NLGN1: variants seen among roughly 807,000 people sequenced by gnomAD.
The protein encoded by NLGN1 is neuroligin 1.
Under a neutral mutation model 65.5 loss-of-function variants are expected in NLGN1, and 12 were observed. The observed-to-expected ratio is 0.18, with a 90% CI of 0.12 to 0.30. NLGN1 has a LOEUF of 0.30. Ranked by LOEUF, NLGN1 falls within the 10% of genes least tolerant of loss-of-function variation. The probability of loss-of-function intolerance (pLI) is 1.00; values close to 1 mark genes in which losing one functional copy is unlikely to be tolerated. For synonymous variants in NLGN1, 350 were observed against 359.5 expected (o/e 0.97, Z 0.30); for missense variants, 750 against 1,007.1 (o/e 0.74, Z 3.46).
At chr3:174,158,095 T>TA (rs1406142297) in intron 4 of NLGN1, among the ~76,000 whole-genome samples, 5 of 151,744 alleles carry the variant, frequency 3.3e-5, no homozygotes, top group African/African-American at 7.2e-5. Context: ...CTAAATGACT[T>TA]TAAGATCGGA....
In NLGN1 at chr3:173,602,626, C is replaced by T. The variant is rs185409873; in HGVS notation, c.-320-1653C>T. Among the ~76,000 whole-genome samples, 97 of 151,932 alleles carry T rather than the reference C, an allele frequency of 6.4e-4. 1 individual carries two copies. The highest frequency in any genetic ancestry group is 1.0e-3 in the African/African-American group (43 of 41,464). ...AAACAAGTATTTGATATCAGTTGTG[C>T]GAAGAAAAACTTTTGGAAATTGCTG... On this transcript the variant is annotated intron_variant, in intron 2 of 6. Coordinates refer to ENST00000457714, the Ensembl canonical transcript of NLGN1.
intron 4 of NLGN1, among the ~76,000 whole-genome samples, chr3:174,108,150 CTATTG>C (rs1267403319): frequency 1.3e-5 from 2 of 151,882 alleles, no homozygotes; most frequent in East Asian, 1.9e-4. Flanking sequence ...TTGATAAATT[CTATTG>C]TATTGATTTT....
chr3:173,568,158 CTTCT>C (rs1312579532), intron 2 of NLGN1, among the ~76,000 whole-genome samples: 10 of 150,750 alleles, frequency 6.6e-5, no homozygotes, highest in South Asian at 4.2e-4. Flanking sequence ...CCTTCCTTTC[CTTCT>C]TTCTTTCTTT....
At chr3:173,709,976 A>C (rs989386541) in intron 3 of NLGN1, among the ~76,000 whole-genome samples, 10 of 152,110 alleles carry the variant, frequency 6.6e-5, no homozygotes, top group African/African-American at 2.4e-4. Flanking sequence ...TAAAGGTATA[A>C]ATACTAATGC....
intron 2 of NLGN1, among the ~76,000 whole-genome samples, chr3:173,449,385 C>T (rs1195953120): frequency 6.6e-6 from 1 of 152,074 alleles, no homozygotes; most frequent in Non-Finnish European, 1.5e-5. Context: ...GAGTGAGTTT[C>T]TTAATCCTGA....
chr3:173,612,041 A>C (rs1335517435), intron 3 of NLGN1, among the ~76,000 whole-genome samples: 2 of 152,000 alleles, frequency 1.3e-5, no homozygotes, highest in East Asian at 3.9e-4. Flanking sequence ...TCACCATTAC[A>C]CATTTTGTAG....
At position 173,990,630 on chromosome 3, in the gene NLGN1, C is replaced by T. The variant is rs137866084; in HGVS notation, c.646+182798C>T. 7.1e-4 allele frequency among the ~76,000 whole-genome samples: 108 copies of T among 152,122 alleles called. 1 individual carries two copies. The highest frequency in any genetic ancestry group is 2.5e-3 in the African/African-American group (102 of 41,522). On this transcript the variant is annotated intron_variant, in intron 4 of 6. Coordinates refer to ENST00000457714, the Ensembl canonical transcript of NLGN1. ...TTGTTTATTGGCAACTTGATTATTC[C>T]ATAATTATAATGGCAGTTCTAGCAG...
At chr3:173,872,584 G>T (rs184172581) in intron 4 of NLGN1, among the ~76,000 whole-genome samples, 1 of 152,104 alleles carries the variant, frequency 6.6e-6, no homozygotes, top group African/African-American at 2.4e-5. Context: ...TGCCCCTGAA[G>T]CATCTTAGTT....
intron 4 of NLGN1, among the ~76,000 whole-genome samples, chr3:173,996,907 A>G (rs1579654117): frequency 6.6e-6 from 1 of 152,296 alleles, no homozygotes; most frequent in Admixed American, 6.5e-5. Flanking sequence ...TATGTGGAGG[A>G]CACCAGGAAT....
chr3:173,569,718 C>G (rs2149326623), intron 2 of NLGN1, among the ~76,000 whole-genome samples: 1 of 151,928 alleles, frequency 6.6e-6, no homozygotes, highest in Non-Finnish European at 1.5e-5. Flanking sequence ...TCTAGCAAGA[C>G]ATCTCTGTCA....
chr3:173,608,470 T>G (rs1751738252), intron 3 of NLGN1, among the ~76,000 whole-genome samples: 1 of 152,058 alleles, frequency 6.6e-6, no homozygotes, highest in Non-Finnish European at 1.5e-5. Flanking sequence ...TTAGGTGTTT[T>G]GCGTAATTTA....
chr3:174,209,447 T>G (rs2152788002), intron 4 of NLGN1, among the ~76,000 whole-genome samples: 1 of 152,192 alleles, frequency 6.6e-6, no homozygotes, highest in African/African-American at 2.4e-5. Context: ...TTCCAGTGGG[T>G]ATCTCCATCA....
intron 3 of NLGN1, among the ~76,000 whole-genome samples, chr3:173,726,581 G>A (rs947247331): frequency 1.3e-5 from 2 of 152,092 alleles, no homozygotes; most frequent in African/African-American, 4.8e-5. Flanking sequence ...GAAGGACAAA[G>A]CAATGTTATA....
chr3:173,872,100 C>T (rs149878474), intron 4 of NLGN1, among the ~76,000 whole-genome samples: 77 of 152,114 alleles, frequency 5.1e-4, no homozygotes, highest in African/African-American at 1.8e-3. Flanking sequence ...GGAAAGCACG[C>T]GCCTCATGGG....
At chr3:173,762,331 A>G (rs1057075594) in intron 3 of NLGN1, among the ~76,000 whole-genome samples, 1 of 152,090 alleles carries the variant, frequency 6.6e-6, no homozygotes, top group Non-Finnish European at 1.5e-5. Flanking sequence ...GCAGTTTACT[A>G]TAACACTAGG....
At chr3:173,817,242 T>C (rs1387825286) in intron 4 of NLGN1, among the ~76,000 whole-genome samples, 1 of 152,206 alleles carries the variant, frequency 6.6e-6, no homozygotes, top group Admixed American at 6.5e-5. Context: ...GTTAAAAACA[T>C]AGGCAGCAGG....
At chr3:174,008,361 C>T (rs1724874055) in intron 4 of NLGN1, among the ~76,000 whole-genome samples, 1 of 133,314 alleles carries the variant, frequency 7.5e-6, no homozygotes, top group African/African-American at 2.7e-5. Context: ...CCCCCCACCC[C>T]CCGCCCACGG....
chr3:173,691,697 G>GT (rs983784198), intron 3 of NLGN1, among the ~76,000 whole-genome samples: 30 of 152,038 alleles, frequency 2.0e-4, no homozygotes, highest in Admixed American at 9.2e-4. Flanking sequence ...CTTGCATCAC[G>GT]TTTTTTTCTG....
At chr3:173,762,760 A>G (rs1191477604) in intron 3 of NLGN1, among the ~76,000 whole-genome samples, 1 of 152,012 alleles carries the variant, frequency 6.6e-6, no homozygotes, top group Non-Finnish European at 1.5e-5. Context: ...CTGCTTAGTC[A>G]TCGACGCTGA....
Sources: allele counts gnomAD v4.1 joint callset (sites outside exome capture counted in the v4.1 genomes callset), GRCh38; gene constraint gnomAD v4.1.1; transcripts MANE v1.5; gene names NCBI Gene and HGNC (gene_info 2026-07-23, HGNC 2026-07-21).